EAF2: variants seen among roughly 807,000 people sequenced by gnomAD.
EAF2 encodes ELL-associated factor 2.
A neutral mutation model predicts 29.4 loss-of-function variants in EAF2; 29 were observed. The ratio of observed to expected loss-of-function variants is 0.99; its 90% CI spans 0.73 to 1.35. EAF2 has a LOEUF of 1.35. Ranked by LOEUF, EAF2 falls within the 40% of genes most tolerant of loss-of-function variation. EAF2 has a pLI of 0.00. For synonymous variants in EAF2, 103 were observed against 102.5 expected, an observed-to-expected ratio of 1.00 and a Z score of -0.03; for missense variants, 292 against 312.0, an observed-to-expected ratio of 0.94 and a Z score of 0.48.
At position 121,835,365 on chromosome 3, in the gene EAF2, C is replaced by T. The variant is rs1182543046; in HGVS notation, c.80C>T (p.Pro27Leu). The T allele has an allele frequency of 6.2e-7, 1 of 1,614,026 alleles. No homozygotes were observed. The highest frequency in any genetic ancestry group is 1.3e-5 in the African/African-American group (1 of 75,058). Reference sequence around the variant, plus strand: ...TTAGGGGAGAGTTTCGAGAAGCAGCCGCGCTGCGCCTTCCACACTGTGCGC... The same window carrying T: ...TTAGGGGAGAGTTTCGAGAAGCAGCTGCGCTGCGCCTTCCACACTGTGCGC... ...LKLGESFEKQ[P>L]RCAFHTVRYD... Residue 27 changes from proline (P) to leucine (L), a missense_variant, in exon 1 of 6, where the codon CCG becomes CTG. Pro to Leu is a moderately conservative substitution (Grantham distance 98). Coordinates refer to ENST00000273668, the MANE Select transcript of EAF2 (RefSeq NM_018456.6).
At chr3:121,835,464 G>T in intron 1 of EAF2, 73 bp downstream of exon 1, 3 of 1,374,638 alleles carry the variant, frequency 2.2e-6, no homozygotes, top group Non-Finnish European at 3.1e-6. Context: ...ACCCCTCTGG[G>T]TTTTGTTCCC....
intron 5 of EAF2, among the ~76,000 whole-genome samples, chr3:121,877,648 G>GAAC (rs10625020): frequency 0.89 from 135,134 of 151,682 alleles, 60,249 homozygotes; most frequent in Admixed American, 0.93. Flanking sequence ...ATTTATAATT[G>GAAC]AACATTAAAA....
At chr3:121,867,886 A>C (rs372620432) in intron 4 of EAF2, among the ~76,000 whole-genome samples, 51 of 152,346 alleles carry the variant, frequency 3.3e-4, no homozygotes, top group Middle Eastern at 3.4e-3. Flanking sequence ...CAAGTCAGGT[A>C]TGTATATTGA....
chr3:121,844,929 A>G (rs1708496394), intron 2 of EAF2, among the ~76,000 whole-genome samples: 3 of 152,218 alleles, frequency 2.0e-5, no homozygotes, highest in African/African-American at 7.2e-5. Flanking sequence ...ATGAAATTCT[A>G]TGTAACCACA....
At chr3:121,845,711 A>T (rs557564530) in intron 2 of EAF2, among the ~76,000 whole-genome samples, 1 of 151,982 alleles carries the variant, frequency 6.6e-6, no homozygotes, top group Non-Finnish European at 1.5e-5. Context: ...AATGATTAGA[A>T]TTCTAATGAT....
In EAF2 at chr3:121,839,012, A is replaced by C. The variant is rs574911499; in HGVS notation, c.106+3621A>C. ...AAAAGGTGGGCAAAATGTTCAACCCAAAATTTTTTTTGTGAAGATTAAAAT... is the reference window on the plus strand; with the variant it reads ...AAAAGGTGGGCAAAATGTTCAACCCCAAATTTTTTTTGTGAAGATTAAAAT... On this transcript the variant is annotated intron_variant, in intron 1 of 5. Coordinates refer to ENST00000273668, the MANE Select transcript of EAF2 (RefSeq NM_018456.6). Among the ~76,000 whole-genome samples the C allele has an allele frequency of 1.1e-4, 17 of 152,336 alleles. 1 individual carries two copies. In the South Asian group the frequency reaches 1.2e-3, roughly 11 times the overall value.
intron 2 of EAF2, among the ~76,000 whole-genome samples, chr3:121,848,012 G>A (rs9856641): frequency 0.25 from 37,488 of 151,994 alleles, 4,964 homozygotes; most frequent in Non-Finnish European, 0.28. Context: ...CTATATGAGC[G>A]TTTTTACTAA....
At chr3:121,837,818 A>G (rs1250222715) in intron 1 of EAF2, 5 of 152,222 alleles carry the variant, frequency 3.3e-5, no homozygotes, top group African/African-American at 1.2e-4. Context: ...TGTTCTATCA[A>G]CGATAAGCTG....
rs563697525 is a variant in EAF2 at position 121,865,724 on chromosome 3, G to A, written c.485-6813G>A. Reference sequence around the variant, plus strand: ...GATCTAAAATTCTACTCCCCTACCCGGAGACAACTCACAGCTGGGAGTACC... The same window carrying A: ...GATCTAAAATTCTACTCCCCTACCCAGAGACAACTCACAGCTGGGAGTACC... On this transcript the variant is annotated intron_variant, in intron 4 of 5. Transcript: ENST00000273668. 7.2e-5 allele frequency among the ~76,000 whole-genome samples: 11 copies of A among 152,068 alleles called. No homozygotes were observed. In the South Asian group the frequency reaches 2.1e-3, roughly 29 times the overall value.
At chr3:121,886,315 A>C in intron 5 of EAF2, 27 bp from the exon 6 acceptor site, 1 of 1,412,204 alleles carries the variant, frequency 7.1e-7, no homozygotes. Context: ...TAATTACTAC[A>C]GTTTTGTTAT....
At position 121,872,615 on chromosome 3, in the gene EAF2, C is replaced by G. The variant is rs764281821; in HGVS notation, c.563C>G (p.Ser188Ter). The change falls in exon 5 of 6, where the codon TCA (serine) becomes TGA (stop). Residue 188 changes from serine to a stop codon, truncating the protein, a stop_gained. Transcript: ENST00000273668. LOFTEE classifies it high-confidence loss of function. ...TCAGATTCCAAAAGTTCATCATCTTCAAGTAGTGAGGATAGTTCTAGTGAC... is the reference window on the plus strand; with the variant it reads ...TCAGATTCCAAAAGTTCATCATCTTGAAGTAGTGAGGATAGTTCTAGTGAC... ...SSSDSKSSSSSSSEDSSSDSE... is the reference protein window; with the variant it reads ...SSSDSKSSSS 5 of 1,612,860 alleles carry G rather than the reference C, an allele frequency of 3.1e-6. No individual in the cohort carries two copies. The Admixed American group carries it at 5.0e-5, about 16-fold the overall frequency.
intron 1 of EAF2, among the ~76,000 whole-genome samples, chr3:121,841,236 G>A (rs1417648089): frequency 6.6e-6 from 1 of 152,194 alleles, no homozygotes; most frequent in Non-Finnish European, 1.5e-5. Flanking sequence ...GGGCATGGTG[G>A]CTCACGCCTG....
chr3:121,856,375 C>T (rs1460852263), intron 3 of EAF2, among the ~76,000 whole-genome samples: 1 of 147,756 alleles, frequency 6.8e-6, no homozygotes, highest in East Asian at 2.0e-4. Flanking sequence ...TGGAGGGTCT[C>T]GTTATATTGC....
In EAF2 at chr3:121,871,787, G is replaced by A. The variant is rs1709019382; in HGVS notation, c.485-750G>A. On this transcript the variant is annotated intron_variant, in intron 4 of 5. Coordinates refer to ENST00000273668, the MANE Select transcript of EAF2 (RefSeq NM_018456.6). ...CAACTATTTGACATTTGTATCATAT[G>A]GGAAAATATTGACTTAAAAGTCAGT... Among the ~76,000 whole-genome samples, 4 of 151,958 alleles carry A rather than the reference G, an allele frequency of 2.6e-5. No homozygotes were observed. The South Asian group carries it at 8.3e-4, about 32-fold the overall frequency.
intron 5 of EAF2, among the ~76,000 whole-genome samples, chr3:121,879,324 C>T (rs554012056): frequency 1.3e-5 from 2 of 152,000 alleles, no homozygotes; most frequent in African/African-American, 2.4e-5. Context: ...ATTTTTTCCC[C>T]TTCTGTAGAT....
chr3:121,844,121 T>C (rs977174749), intron 1 of EAF2, among the ~76,000 whole-genome samples: 1 of 152,130 alleles, frequency 6.6e-6, no homozygotes, highest in Non-Finnish European at 1.5e-5. Flanking sequence ...CCTATATCAG[T>C]TTTTTAGCAA....
chr3:121,839,205 T>TA (rs1052891790), intron 1 of EAF2, among the ~76,000 whole-genome samples: 10 of 152,210 alleles, frequency 6.6e-5, no homozygotes, highest in African/African-American at 9.7e-5. Flanking sequence ...ACCTTTTATA[T>TA]AAAAAATCTA....
chr3:121,870,193 CT>C (rs1287669160), intron 4 of EAF2, among the ~76,000 whole-genome samples: 1 of 152,044 alleles, frequency 6.6e-6, no homozygotes, highest in Non-Finnish European at 1.5e-5. Flanking sequence ...AGTATTACCC[CT>C]AATACCCAAA....
chr3:121,871,211 A>C (rs951964792), intron 4 of EAF2, among the ~76,000 whole-genome samples: 1 of 151,726 alleles, frequency 6.6e-6, no homozygotes, highest in African/African-American at 2.4e-5. Flanking sequence ...GTAGAGAAGA[A>C]TAGGCTACAG....
Sources: allele counts gnomAD v4.1 joint callset (sites outside exome capture counted in the v4.1 genomes callset), GRCh38; gene constraint gnomAD v4.1.1; transcripts MANE v1.5; gene names NCBI Gene and HGNC (gene_info 2026-07-23, HGNC 2026-07-21).